Variants in AMD1 observed in about 807,000 individuals in gnomAD.
The protein encoded by AMD1 is S-adenosylmethionine decarboxylase proenzyme.
A neutral mutation model predicts 40.2 loss-of-function variants in AMD1; 11 were observed. That is an observed-to-expected ratio of 0.27 (90% confidence interval 0.17 to 0.45). The LOEUF (loss-of-function observed/expected upper bound fraction) is 0.45. AMD1 is among the 20% of genes least tolerant of loss of function. AMD1 has a pLI of 1.00. For synonymous variants in AMD1, 121 were observed against 130.8 expected (o/e 0.93, Z 0.51); for missense variants, 257 against 410.2 (o/e 0.63, Z 3.23).
At chr6:110,815,162 G>C in the AMD1 span, 1 of 1,564,438 alleles carries the variant, frequency 6.4e-7, no homozygotes, top group South Asian at 1.2e-5. Flanking sequence ...TAGAGGCACG[G>C]GACGCGGGGG....
At chr6:110,866,695 A>G in the AMD1 span, among the ~76,000 whole-genome samples, 3 of 152,272 alleles carry the variant, frequency 2.0e-5, no homozygotes, top group African/African-American at 7.2e-5. Flanking sequence ...AGGAAGATAA[A>G]GGAACTCCTG....
chr6:110,869,423 C>T, the AMD1 span, among the ~76,000 whole-genome samples: 10 of 152,074 alleles, frequency 6.6e-5, no homozygotes, highest in South Asian at 2.1e-4. Flanking sequence ...TGAGCCACCG[C>T]GCCCAGCCCA....
the AMD1 span, among the ~76,000 whole-genome samples, chr6:110,816,724 A>G: frequency 1.3e-5 from 2 of 152,030 alleles, no homozygotes; most frequent in Non-Finnish European, 2.9e-5. Context: ...ATCCTCTCTT[A>G]ACTTGTCTCC....
At chr6:110,852,153 G>A in the AMD1 span, among the ~76,000 whole-genome samples, 1 of 141,176 alleles carries the variant, frequency 7.1e-6, no homozygotes, top group African/African-American at 2.6e-5. Flanking sequence ...CCCAGCCTCA[G>A]GTGATCCTCC....
At chr6:110,886,742 C>A (rs1785708190) in intron 1 of AMD1, among the ~76,000 whole-genome samples, 1 of 152,246 alleles carries the variant, frequency 6.6e-6, no homozygotes. Flanking sequence ...CACTGCACTT[C>A]AACCTGGGCG....
At chr6:110,862,181 T>G in the AMD1 span, among the ~76,000 whole-genome samples, 6 of 151,764 alleles carry the variant, frequency 4.0e-5, no homozygotes, top group Non-Finnish European at 8.8e-5. Flanking sequence ...GCTAATTTTT[T>G]TATTATATTG....
the AMD1 span, chr6:110,858,589 G>C: frequency 2.5e-6 from 4 of 1,590,566 alleles, no homozygotes; most frequent in Non-Finnish European, 3.4e-6. Context: ...GTGGGAACAT[G>C]ACGCAGCTGC....
chr6:110,854,631 A>T, the AMD1 span, among the ~76,000 whole-genome samples: 6 of 152,088 alleles, frequency 3.9e-5, no homozygotes, highest in Non-Finnish European at 4.4e-5. Flanking sequence ...GTATTTTTGT[A>T]GAGATGGGAT....
chr6:110,840,699 G>C, the AMD1 span, among the ~76,000 whole-genome samples: 2 of 146,380 alleles, frequency 1.4e-5, no homozygotes, highest in East Asian at 2.2e-4. Flanking sequence ...CCAGGGTATA[G>C]AGCAGGGCCC....
chr6:110,881,871 A>G (rs975384315), intron 1 of AMD1, among the ~76,000 whole-genome samples: 5 of 152,068 alleles, frequency 3.3e-5, no homozygotes, highest in Admixed American at 2.0e-4. Context: ...AATAATTTCT[A>G]ATGACTAGAT....
At chr6:110,863,254 GT>G in the AMD1 span, among the ~76,000 whole-genome samples, 2 of 148,408 alleles carry the variant, frequency 1.3e-5, no homozygotes, top group African/African-American at 2.5e-5. Flanking sequence ...CCCCAAGTTC[GT>G]TTTTTTAAGT....
the AMD1 span, among the ~76,000 whole-genome samples, chr6:110,830,803 A>G: frequency 2.0e-5 from 3 of 152,168 alleles, no homozygotes; most frequent in Non-Finnish European, 2.9e-5. Flanking sequence ...GCTCTGCGTC[A>G]TCAATGCCTG....
chr6:110,846,073 C>G, the AMD1 span, among the ~76,000 whole-genome samples: 1 of 152,114 alleles, frequency 6.6e-6, no homozygotes, highest in Non-Finnish European at 1.5e-5. Flanking sequence ...AACCCCGTCT[C>G]TACTAAAAAT....
At chr6:110,850,417 C>G in the AMD1 span, among the ~76,000 whole-genome samples, 1 of 152,140 alleles carries the variant, frequency 6.6e-6, no homozygotes, top group East Asian at 1.9e-4. Context: ...TTCACTGTCT[C>G]AGAAAACTGG....
rs1291210472 is a variant in AMD1, at chr6:110,890,249, T to C, written c.325-5T>C. The C allele has an allele frequency of 6.5e-7, 1 of 1,546,174 alleles. No homozygotes were observed. The highest frequency in any genetic ancestry group is 2.3e-5 in the Admixed American group (1 of 44,136). The stretch of plus-strand genomic sequence containing the variant: ...TTTTTTTCTTTCTTTTCTTTTTTAA[T>C]AAAGAGCTTCTTTTATTCTCGTAAG... On this transcript the variant is annotated splice_region_variant and splice_polypyrimidine_tract_variant and intron_variant, in intron 3 of 8. Transcript: ENST00000368885.
At chr6:110,859,592 G>A in the AMD1 span, among the ~76,000 whole-genome samples, 8 of 152,142 alleles carry the variant, frequency 5.3e-5, no homozygotes, top group African/African-American at 1.9e-4. Flanking sequence ...GGAATGGGGC[G>A]GGGACAGTGG....
chr6:110,814,792 C>T, the AMD1 span: 2 of 682,478 alleles, frequency 2.9e-6, no homozygotes, highest in East Asian at 3.0e-5. Context: ...CGCCTCGGAC[C>T]GGGCTGCGCC....
the AMD1 span, among the ~76,000 whole-genome samples, chr6:110,865,579 G>A: frequency 2.0e-5 from 3 of 151,476 alleles, no homozygotes; most frequent in African/African-American, 7.3e-5. Flanking sequence ...TTTTTTAGCA[G>A]ACACAGGGTT....
chr6:110,888,826 G>T (rs942245961), intron 2 of AMD1, 31 bp from the exon 3 acceptor site: 2 of 1,604,088 alleles, frequency 1.2e-6, no homozygotes, highest in African/African-American at 2.7e-5. Flanking sequence ...CATTAGTATT[G>T]TTATAATATT....
Sources: allele counts gnomAD v4.1 joint callset (sites outside exome capture counted in the v4.1 genomes callset), GRCh38; gene constraint gnomAD v4.1.1; transcripts MANE v1.5; gene names NCBI Gene and HGNC (gene_info 2026-07-23, HGNC 2026-07-21).